The following PPP2R3B variants were observed in gnomAD, a reference collection of about 807,000 sequenced individuals.
PPP2R3B encodes serine/threonine-protein phosphatase 2A regulatory subunit B'' subunit beta.
PPP2R3B carries 68 observed loss-of-function variants against 72.9 expected under a neutral mutation model. The observed-to-expected ratio is 0.93, with a 90% CI of 0.77 to 1.14. The LOEUF (loss-of-function observed/expected upper bound fraction) is 1.14. PPP2R3B is among the 50% of genes most tolerant of loss of function. The pLI is 0.00. For synonymous variants in PPP2R3B, 466 were observed against 375.8 expected (o/e 1.24, Z -2.78); for missense variants, 1,018 against 842.0 (o/e 1.21, Z -2.59).
chrX:362,676 C>G (rs1428363255), intron 1 of PPP2R3B, among the ~76,000 whole-genome samples: 1 of 152,074 alleles, frequency 6.6e-6, no homozygotes, highest in Non-Finnish European at 1.5e-5. Context: ...GGAGGAAGTC[C>G]GCATACCAGT....
intron 1 of PPP2R3B, among the ~76,000 whole-genome samples, chrX:363,627 AGCCCACCATCCCACAGTCATCTCCCTGT>A (rs2071607322): frequency 5.7e-3 from 23 of 4,022 alleles, no homozygotes; most frequent in African/African-American, 7.6e-3. Context: ...CATCTCCCCG[AGCCCACCATCCCACAGTCATCTCCCTGT>A]GCCCACCATC....
In PPP2R3B at chrX:361,514, C is replaced by A. The variant is rs372113698; in HGVS notation, c.401G>T (p.Arg134Leu). Residue 134 changes from arginine (R) to leucine (L), a missense_variant, in exon 2 of 13, where the codon CGC becomes CTC. Physicochemically the swap from Arg to Leu is moderately radical, Grantham distance 102. Coordinates refer to ENST00000390665, the MANE Select transcript of PPP2R3B (RefSeq NM_013239.5). ...SIPTFYFPRG[R>L]PQDSVNVDAV... is the part of the protein sequence containing the mutation. ...ATCCACGTTGACGGAGTCCTGCGGGCGTCCTCTGGGGAAGTAGAAGGTCGG... is the reference window on the plus strand; with the variant it reads ...ATCCACGTTGACGGAGTCCTGCGGGAGTCCTCTGGGGAAGTAGAAGGTCGG... The A allele has an allele frequency of 6.2e-7, 1 of 1,614,002 alleles. No homozygotes were observed. Among genetic ancestry groups the A allele is most frequent in the Non-Finnish European group, 8.5e-7 (1 of 1,179,870 alleles).
chrX:341,476 C>G (rs1445984785), intron 8 of PPP2R3B, 80 bp from the exon 9 acceptor site: 2 of 1,474,956 alleles, frequency 1.4e-6, no homozygotes, highest in East Asian at 4.6e-5. Context: ...GTCCACGCGC[C>G]TCGGTGAGGG....
Position 341,931 on chromosome X carries a change from G to A in PPP2R3B, c.1037C>T (p.Ala346Val). ...CCTGTCTATCATCTTGGTAGAAAGG[G>A]CTGGAAAGGAATGCGGTTGATGGGC... The part of the protein sequence containing the change: ...ADDLARHNDH[A>V]LSTKMIDRIF... Residue 346 changes from alanine (A) to valine (V), a missense_variant and splice_region_variant, in exon 8 of 13, where the codon GCC (alanine) becomes GTC (valine). By Grantham distance (64) the Ala-to-Val change is moderately conservative (BLOSUM62 0). Transcript: ENST00000390665. The A allele has an allele frequency of 6.2e-7, 1 of 1,612,696 alleles. No homozygotes were observed. Among genetic ancestry groups the A allele is most frequent in the Non-Finnish European group, 8.5e-7 (1 of 1,179,748 alleles).
At chrX:334,568 G>A (rs2070837329) in intron 12 of PPP2R3B, 51 bp from the exon 13 acceptor site, 3 of 1,412,148 alleles carry the variant, frequency 2.1e-6, no homozygotes, top group East Asian at 5.5e-5. Context: ...AGCAGGCCCT[G>A]GGCCGTTTTC....
chrX:373,009 GTGATA>G (rs1251975197), intron 1 of PPP2R3B, among the ~76,000 whole-genome samples: 1 of 152,190 alleles, frequency 6.6e-6, no homozygotes, highest in Non-Finnish European at 1.5e-5. Flanking sequence ...CGGTATGTGA[GTGATA>G]TCTCAACCGA....
At chrX:356,207 G>GT (rs911378743) in intron 2 of PPP2R3B, among the ~76,000 whole-genome samples, 1 of 151,730 alleles carries the variant, frequency 6.6e-6, no homozygotes, top group Non-Finnish European at 1.5e-5. Context: ...CGGAAGCAGG[G>GT]TTTTTTGTTT....
In PPP2R3B at chrX:384,514, C is replaced by T. The variant is rs188270040; in HGVS notation, c.324+1854G>A. 3.3e-5 allele frequency among the ~76,000 whole-genome samples: 5 copies of T among 152,042 alleles called. No homozygotes were observed. The East Asian group carries it at 7.8e-4, about 24-fold the overall frequency. On this transcript the variant is annotated intron_variant, in intron 1 of 12. Transcript: ENST00000390665. ...TTCGCCATGTTGCCCAGGCTGGTCT[C>T]GAACTCCTGAACTCAAGTGATCTGC...
Position 334,398 on chromosome X carries a change from G to T in PPP2R3B, c.1697C>A (p.Ala566Glu). 1 of 1,561,232 alleles carries T rather than the reference G, an allele frequency of 6.4e-7. No individual in the cohort carries two copies. The highest frequency in any genetic ancestry group is 2.3e-4 in the Middle Eastern group (1 of 4,312). Residue 566 changes from alanine (A) to glutamate (E), a missense_variant, in exon 13 of 13, where the codon GCA (alanine) becomes GAA (glutamate). Coordinates refer to ENST00000390665, the MANE Select transcript of PPP2R3B (RefSeq NM_013239.5). ...PLGAVDLYEY[A>E]CGDEDLEPL ...CGGCTCCAGGTCCTCGTCCCCGCAT[G>T]CGTACTCGTACAGGTCCACGGCGCC...
At chrX:359,820 C>T (rs772532022) in intron 2 of PPP2R3B, 1 of 513,086 alleles carries the variant, frequency 1.9e-6, no homozygotes, top group Non-Finnish European at 3.9e-6. Flanking sequence ...AGAGGATAAA[C>T]CAAAGCTATG....
At chrX:363,552 C>T (rs1462552570) in intron 1 of PPP2R3B, among the ~76,000 whole-genome samples, 4 of 148,874 alleles carry the variant, frequency 2.7e-5, no homozygotes, top group Non-Finnish European at 3.0e-5. Flanking sequence ...CCCGCGATCC[C>T]GCAGTGCATC....
intron 1 of PPP2R3B, 96 bp from the exon 2 acceptor site, chrX:361,686 G>T: frequency 7.0e-7 from 1 of 1,425,576 alleles, no homozygotes; most frequent in Non-Finnish European, 9.7e-7. Flanking sequence ...GGCCGACAGT[G>T]CTGAGGCCAC....
rs1253543069 is a variant in PPP2R3B at position 344,424 on chromosome X, C to T, written c.1036+1092G>A. ...CCTGGGCGGCCATCCCTGCGGTCAC[C>T]GGTGTCCCTGGGACGCACGAGCCAA... On this transcript the variant is annotated intron_variant, in intron 7 of 12. Coordinates refer to ENST00000390665, the MANE Select transcript of PPP2R3B (RefSeq NM_013239.5). 5.3e-5 allele frequency among the ~76,000 whole-genome samples: 8 copies of T among 152,232 alleles called. No individual in the cohort carries two copies. The East Asian group carries it at 1.3e-3, about 26-fold the overall frequency.
At chrX:343,941 G>A (rs1489654969) in intron 7 of PPP2R3B, among the ~76,000 whole-genome samples, 8 of 90,186 alleles carry the variant, frequency 8.9e-5, no homozygotes, top group African/African-American at 3.3e-4. Flanking sequence ...GCAACGGGAG[G>A]CGGGAGGGAG....
chrX:374,532 G>A (rs1176272728), intron 1 of PPP2R3B, among the ~76,000 whole-genome samples: 2 of 152,216 alleles, frequency 1.3e-5, no homozygotes, highest in Non-Finnish European at 2.9e-5. Flanking sequence ...CGGTGGAAAA[G>A]GGGGACGGGC....
chrX:386,057 G>C (rs929089602), intron 1 of PPP2R3B, among the ~76,000 whole-genome samples: 32 of 151,980 alleles, frequency 2.1e-4, no homozygotes, highest in Admixed American at 5.9e-4. Context: ...ACTCCAGCCT[G>C]GGCAACAGAG....
chrX:369,921 G>A (rs1482034694), intron 1 of PPP2R3B, among the ~76,000 whole-genome samples: 1 of 152,184 alleles, frequency 6.6e-6, no homozygotes, highest in African/African-American at 2.4e-5. Context: ...TCAGGGACGG[G>A]GGGTTTGGCC....
intron 1 of PPP2R3B, among the ~76,000 whole-genome samples, chrX:369,439 C>T (rs1008717490): frequency 1.3e-5 from 2 of 152,230 alleles, no homozygotes; most frequent in Non-Finnish European, 2.9e-5. Context: ...TGACTCATCA[C>T]AATTCCAGAA....
chrX:340,516 GTCCC>G, intron 10 of PPP2R3B, among the ~76,000 whole-genome samples: 3 of 93,220 alleles, frequency 3.2e-5, no homozygotes, highest in African/African-American at 9.3e-5. Flanking sequence ...ACCCTGGGCC[GTCCC>G]CCCTCCCGTC....
Sources: gnomAD v4.1 joint callset for allele counts (sites outside exome capture counted in the v4.1 genomes callset) on GRCh38, gnomAD v4.1.1 for gene constraint, MANE v1.5 for transcripts, NCBI Gene and HGNC (gene_info 2026-07-23, HGNC 2026-07-21) for gene names.